COL21A1: variants seen among roughly 807,000 people sequenced by gnomAD.
The protein encoded by COL21A1 is collagen alpha-1(XXI) chain.
In COL21A1, 149 loss-of-function variants were observed where a neutral mutation model predicts 137.9. That is an observed-to-expected ratio of 1.08 (90% CI 0.95 to 1.24). COL21A1 has a LOEUF of 1.24. Among genes scored for constraint, COL21A1 ranks in the 50% most tolerant of loss-of-function variants. COL21A1 has a pLI of 0.00. For missense variants in COL21A1, 1,167 were observed against 1,158.4 expected, an observed-to-expected ratio of 1.01 and a Z score of -0.11; for synonymous variants, 456 against 391.5, an observed-to-expected ratio of 1.16 and a Z score of -1.95.
intron 17 of COL21A1, among the ~76,000 whole-genome samples, chr6:56,092,364 A>T (rs1768915397): frequency 6.6e-6 from 1 of 152,196 alleles, no homozygotes; most frequent in Non-Finnish European, 1.5e-5. Context: ...TTTTTTACGC[A>T]TACATATTTA....
intron 1 of COL21A1, among the ~76,000 whole-genome samples, chr6:56,286,214 T>A (rs901311146): frequency 6.6e-6 from 1 of 152,164 alleles, no homozygotes; most frequent in Non-Finnish European, 1.5e-5. Flanking sequence ...ATAAAATGAA[T>A]TGAGGAAAGG....
intron 1 of COL21A1, among the ~76,000 whole-genome samples, chr6:56,211,222 T>C (rs142277461): frequency 1.8e-3 from 70 of 39,752 alleles, no homozygotes; most frequent in African/African-American, 7.8e-3. Context: ...TGTATATGTA[T>C]ATATACATAT....
intron 1 of COL21A1, among the ~76,000 whole-genome samples, chr6:56,233,076 C>A (rs1781682111): frequency 1.3e-5 from 2 of 151,756 alleles, no homozygotes; most frequent in South Asian, 4.1e-4. Flanking sequence ...GAACACTGTG[C>A]AACTCCTTCT....
intron 16 of COL21A1, among the ~76,000 whole-genome samples, chr6:56,111,709 C>A (rs1475564442): frequency 1.8e-4 from 26 of 141,746 alleles, no homozygotes; most frequent in East Asian, 2.1e-4. Context: ...ACTAAAAATA[C>A]AAAAAAAAAA....
chr6:56,100,123 G>A (rs1562196617), intron 17 of COL21A1, among the ~76,000 whole-genome samples: 1 of 152,192 alleles, frequency 6.6e-6, no homozygotes, highest in African/African-American at 2.4e-5. Flanking sequence ...ACACGCAACA[G>A]AGACCCTTCT....
chr6:56,239,719 C>T (rs554252222), intron 1 of COL21A1, among the ~76,000 whole-genome samples: 144 of 152,258 alleles, frequency 9.5e-4, no homozygotes, highest in African/African-American at 3.3e-3. Flanking sequence ...ACAGTAACAA[C>T]CATCCTCAGT....
intron 1 of COL21A1, among the ~76,000 whole-genome samples, chr6:56,202,726 A>C (rs1779493884): frequency 6.6e-6 from 1 of 152,202 alleles, no homozygotes; most frequent in Admixed American, 6.5e-5. Flanking sequence ...TATATTACAT[A>C]ATATCCGTCA....
chr6:56,091,202 T>C (rs1048349235), intron 17 of COL21A1, among the ~76,000 whole-genome samples: 1 of 152,210 alleles, frequency 6.6e-6, no homozygotes, highest in Non-Finnish European at 1.5e-5. Context: ...AAAACTGATA[T>C]GCCAAATAAT....
chr6:56,193,955 A>G (rs1192011394), intron 1 of COL21A1, among the ~76,000 whole-genome samples: 2 of 152,016 alleles, frequency 1.3e-5, no homozygotes, highest in East Asian at 3.9e-4. Flanking sequence ...GGGTTTCACC[A>G]TATTGGCCAG....
chr6:56,379,743 C>A (rs2094005724), intron 1 of COL21A1, among the ~76,000 whole-genome samples: 1 of 152,174 alleles, frequency 6.6e-6, no homozygotes, highest in Non-Finnish European at 1.5e-5. Context: ...TCATTTTATA[C>A]ACACATAGGC....
At chr6:56,133,901 G>C (rs960400464) in intron 12 of COL21A1, among the ~76,000 whole-genome samples, 2 of 152,220 alleles carry the variant, frequency 1.3e-5, no homozygotes, top group Admixed American at 1.3e-4. Flanking sequence ...GACTTCAGAG[G>C]ATGTATGGAA....
intron 1 of COL21A1, among the ~76,000 whole-genome samples, chr6:56,302,561 C>T (rs1177342255): frequency 1.3e-5 from 2 of 152,084 alleles, no homozygotes; most frequent in Non-Finnish European, 2.9e-5. Flanking sequence ...CCTTTGCCCA[C>T]TTTTTGATGG....
At chr6:56,175,665 A>G (rs1223307680) in intron 3 of COL21A1, among the ~76,000 whole-genome samples, 1 of 152,140 alleles carries the variant, frequency 6.6e-6, no homozygotes, top group Non-Finnish European at 1.5e-5. Flanking sequence ...TCTTGTGTTC[A>G]TGGATTGGTA....
chr6:56,342,293 A>C (rs1765488413), intron 1 of COL21A1, among the ~76,000 whole-genome samples: 1 of 151,938 alleles, frequency 6.6e-6, no homozygotes, highest in Admixed American at 6.6e-5. Context: ...TATTACAAAA[A>C]CTCCTCTAAA....
At chr6:56,207,127 GAACT>G (rs1779847180) in intron 1 of COL21A1, among the ~76,000 whole-genome samples, 1 of 151,974 alleles carries the variant, frequency 6.6e-6, no homozygotes, top group African/African-American at 2.4e-5. Context: ...AAAATTAAAA[GAACT>G]AGAGAAGCAA....
intron 1 of COL21A1, among the ~76,000 whole-genome samples, chr6:56,238,638 C>T (rs1167183386): frequency 2.0e-5 from 3 of 152,024 alleles, no homozygotes; most frequent in Non-Finnish European, 4.4e-5. Context: ...TCAAAAGCTT[C>T]TGATAGAGCT....
intron 16 of COL21A1, among the ~76,000 whole-genome samples, chr6:56,105,537 A>G (rs147691139): frequency 1.4e-4 from 22 of 152,334 alleles, no homozygotes; most frequent in African/African-American, 5.3e-4. Flanking sequence ...GATATCATTA[A>G]AAACAGTAGG....
chr6:56,273,858 G>A (rs535805662), intron 1 of COL21A1, among the ~76,000 whole-genome samples: 2 of 152,124 alleles, frequency 1.3e-5, no homozygotes, highest in Admixed American at 6.5e-5. Context: ...AGGAGGAGGG[G>A]CTCCTCCCTA....
chr6:56,270,448 G>C (rs904376862), intron 1 of COL21A1, among the ~76,000 whole-genome samples: 1 of 152,114 alleles, frequency 6.6e-6, no homozygotes, highest in Non-Finnish European at 1.5e-5. Context: ...AAAAGGCTTA[G>C]ACAGCCATAC....
Sources: gnomAD v4.1 joint callset for allele counts (sites outside exome capture counted in the v4.1 genomes callset) on GRCh38, gnomAD v4.1.1 for gene constraint, MANE v1.5 for transcripts, NCBI Gene and HGNC (gene_info 2026-07-23, HGNC 2026-07-21) for gene names.